Variants in ARHGAP32 observed in about 807,000 individuals in gnomAD.
ARHGAP32 encodes the protein Rho GTPase activating protein 32, also known as rho GTPase-activating protein 32.
A neutral mutation model predicts 186.5 loss-of-function variants in ARHGAP32; 51 were observed. That is an observed-to-expected ratio of 0.27 (90% CI 0.22 to 0.35). The LOEUF is 0.35. ARHGAP32 is among the 10% of genes least tolerant of loss of function. ARHGAP32 has a pLI of 1.00. For synonymous variants in ARHGAP32, 950 were observed against 964.3 expected (o/e 0.99, Z 0.27); for missense variants, 2,186 against 2,623.5 (o/e 0.83, Z 3.64).
At chr11:129,115,339 C>T (rs2860146) in intron 5 of ARHGAP32, among the ~76,000 whole-genome samples, 28,204 of 151,908 alleles carry the variant, frequency 0.19, 2,792 homozygotes, top group Non-Finnish European at 0.21. Context: ...GCACATAAGG[C>T]GAAAATCAAT....
chr11:129,262,542 C>T (rs1360712462), intron 1 of ARHGAP32, among the ~76,000 whole-genome samples: 1 of 152,044 alleles, frequency 6.6e-6, no homozygotes, highest in Non-Finnish European at 1.5e-5. Context: ...TGCCACCATA[C>T]CTGGCTAATT....
At chr11:129,235,908 C>CACACAT (rs1944923510) in intron 1 of ARHGAP32, among the ~76,000 whole-genome samples, 2 of 75,136 alleles carry the variant, frequency 2.7e-5, no homozygotes, top group Non-Finnish European at 6.3e-5. Flanking sequence ...TAAACACACA[C>CACACAT]ACACACACAC....
chr11:129,152,370 TC>T (rs2135455744), intron 2 of ARHGAP32, among the ~76,000 whole-genome samples: 1 of 152,100 alleles, frequency 6.6e-6, no homozygotes, highest in African/African-American at 2.4e-5. Context: ...AGGAAATCCT[TC>T]CTAAGTCATT....
chr11:129,197,532 G>GAATATA (rs960764537), intron 1 of ARHGAP32, among the ~76,000 whole-genome samples: 1 of 152,060 alleles, frequency 6.6e-6, no homozygotes, highest in African/African-American at 2.4e-5. Context: ...TCATGAATAT[G>GAATATA]AATATAAATA....
At chr11:129,139,164 G>T (rs1340211104) in intron 2 of ARHGAP32, among the ~76,000 whole-genome samples, 1 of 151,926 alleles carries the variant, frequency 6.6e-6, no homozygotes, top group East Asian at 1.9e-4. Context: ...CAAGTAATTT[G>T]GGAATCTCCA....
chr11:129,072,318 G>A (rs1436738021), intron 6 of ARHGAP32, among the ~76,000 whole-genome samples: 1 of 152,068 alleles, frequency 6.6e-6, no homozygotes, highest in Non-Finnish European at 1.5e-5. Flanking sequence ...GTGTTACCAA[G>A]TACCACATGG....
intron 12 of ARHGAP32, among the ~76,000 whole-genome samples, chr11:128,993,887 T>A (rs1946129291): frequency 6.6e-6 from 1 of 151,758 alleles, no homozygotes; most frequent in South Asian, 2.1e-4. Flanking sequence ...AGAGACACTG[T>A]CCCTACAAAA....
At chr11:128,986,167 G>A (rs1005388806) in intron 14 of ARHGAP32, 82 bp from the exon 15 acceptor site, 7 of 1,055,984 alleles carry the variant, frequency 6.6e-6, no homozygotes, top group Non-Finnish European at 8.4e-6. Flanking sequence ...TTTTCACTCT[G>A]AGATCAACTT....
intron 2 of ARHGAP32, among the ~76,000 whole-genome samples, chr11:129,148,522 G>C (rs1176998290): frequency 6.6e-6 from 1 of 152,172 alleles, no homozygotes; most frequent in Non-Finnish European, 1.5e-5. Flanking sequence ...GGGGCCTTCA[G>C]GGAAGGCAGG....
chr11:129,039,492 T>C (rs1020971736), intron 11 of ARHGAP32, among the ~76,000 whole-genome samples: 5 of 152,200 alleles, frequency 3.3e-5, no homozygotes, highest in Non-Finnish European at 5.9e-5. Context: ...CATTATATGA[T>C]TCCATTTATA....
chr11:129,272,316 C>A (rs903478073), intron 1 of ARHGAP32, among the ~76,000 whole-genome samples: 1 of 152,188 alleles, frequency 6.6e-6, no homozygotes, highest in Non-Finnish European at 1.5e-5. Context: ...ATCTAAAAAT[C>A]CATCTTATTC....
intron 11 of ARHGAP32, among the ~76,000 whole-genome samples, chr11:129,001,180 T>C (rs530727048): frequency 1.3e-5 from 2 of 152,320 alleles, no homozygotes; most frequent in East Asian, 1.9e-4. Flanking sequence ...AGTAGTTCTA[T>C]TTTTAGTTTT....
intron 10 of ARHGAP32, among the ~76,000 whole-genome samples, chr11:129,061,449 G>T (rs1348612936): frequency 6.6e-6 from 1 of 152,120 alleles, no homozygotes; most frequent in African/African-American, 2.4e-5. Flanking sequence ...ACATGCATAC[G>T]TATGATAAAG....
At chr11:129,255,456 T>C (rs1299178807) in intron 1 of ARHGAP32, among the ~76,000 whole-genome samples, 2 of 152,008 alleles carry the variant, frequency 1.3e-5, no homozygotes, top group African/African-American at 2.4e-5. Flanking sequence ...AAACAGATCA[T>C]CTCTCAGACA....
intron 6 of ARHGAP32, among the ~76,000 whole-genome samples, chr11:129,075,223 G>T (rs1940999584): frequency 6.6e-6 from 1 of 152,006 alleles, no homozygotes; most frequent in African/African-American, 2.4e-5. Flanking sequence ...TGTCAGAGTG[G>T]ATCAAATACA....
In ARHGAP32 at chr11:129,269,083, C is replaced by T. The variant is rs569286892; in HGVS notation, c.-5+10063G>A. On this transcript the variant is annotated intron_variant, in intron 1 of 6. Transcript: ENST00000525234. The stretch of plus-strand genomic sequence containing the variant: ...TCCAGGAGTTCGAGACCAGCCTGGG[C>T]AACACGGTGAAACCCCATCTCTATT... 8.5e-5 allele frequency among the ~76,000 whole-genome samples: 13 copies of T among 152,196 alleles called. 1 individual carries two copies. The highest frequency in any genetic ancestry group is 3.1e-4 in the African/African-American group (13 of 41,516).
chr11:129,151,651 T>G (rs1288786657), intron 2 of ARHGAP32, among the ~76,000 whole-genome samples: 1 of 152,080 alleles, frequency 6.6e-6, no homozygotes, highest in African/African-American at 2.4e-5. Flanking sequence ...ACATGGAAAT[T>G]TAAAAATTCT....
intron 1 of ARHGAP32, among the ~76,000 whole-genome samples, chr11:129,273,640 T>C (rs924360277): frequency 9.2e-5 from 14 of 152,186 alleles, no homozygotes; most frequent in Non-Finnish European, 2.9e-5. Flanking sequence ...GCACAGCTAC[T>C]GAAGATGCTA....
intron 11 of ARHGAP32, among the ~76,000 whole-genome samples, chr11:129,020,247 T>TA (rs957812532): frequency 3.9e-5 from 6 of 152,036 alleles, no homozygotes; most frequent in African/African-American, 9.6e-5. Flanking sequence ...AAATTTAAGA[T>TA]AAAAAAATCA....
Sources: gnomAD v4.1 joint callset for allele counts (sites outside exome capture counted in the v4.1 genomes callset) on GRCh38, gnomAD v4.1.1 for gene constraint, MANE v1.5 for transcripts, NCBI Gene and HGNC (gene_info 2026-07-23, HGNC 2026-07-21) for gene names.